The following WDR27 variants were observed in gnomAD, a reference collection of about 807,000 sequenced individuals.
WDR27 encodes WD repeat-containing protein 27.
A neutral mutation model predicts 114.4 loss-of-function variants in WDR27; 100 were observed. The observed-to-expected ratio is 0.87, with a 90% confidence interval of 0.74 to 1.03. The LOEUF (loss-of-function observed/expected upper bound fraction) is 1.03, where lower values mean the gene tolerates loss of function less well. WDR27 is among the 50% of genes least tolerant of loss of function. WDR27 has a pLI of 0.00. For missense variants in WDR27, 1,129 were observed against 1,092.9 expected (o/e 1.03, Z -0.47); for synonymous variants, 449 against 423.1 (o/e 1.06, Z -0.75).
chr6:169,521,158 A>G (rs1447360643), intron 25 of WDR27, among the ~76,000 whole-genome samples: 3 of 152,162 alleles, frequency 2.0e-5, no homozygotes, highest in African/African-American at 7.2e-5. Flanking sequence ...AGTAAATAAA[A>G]TGTAAAGGAG....
In WDR27 at chr6:169,544,679, C is replaced by T. The variant is rs149752441; in HGVS notation, c.2645+27740G>A. On this transcript the variant is annotated intron_variant, in intron 25 of 25. Transcript: ENST00000448612. ...CAAACACCTGGCCTCAAGTGAGCCA[C>T]CTGCTTTGGCCTCCCAAAGTGCTGG... 1.4e-3 allele frequency among the ~76,000 whole-genome samples: 206 copies of T among 152,300 alleles called. 4 individuals are homozygous for T. The East Asian group carries it at 0.032, about 24-fold the overall frequency.
chr6:169,616,792 T>C (rs181104721), intron 21 of WDR27, among the ~76,000 whole-genome samples: 81 of 152,202 alleles, frequency 5.3e-4, no homozygotes, highest in African/African-American at 1.9e-3. Flanking sequence ...GGAGAGTGCA[T>C]GCTCTGAACA....
At chr6:169,509,609 C>A (rs1792494616) in intron 25 of WDR27, among the ~76,000 whole-genome samples, 1 of 151,582 alleles carries the variant, frequency 6.6e-6, no homozygotes, top group Non-Finnish European at 1.5e-5. Flanking sequence ...CCCTTCCTTA[C>A]ACCTTATACA....
At chr6:169,502,010 G>A (rs1562500998) in intron 25 of WDR27, among the ~76,000 whole-genome samples, 1 of 152,206 alleles carries the variant, frequency 6.6e-6, no homozygotes, top group African/African-American at 2.4e-5. Context: ...AGTGTGACAC[G>A]GAGCCGGTGG....
At chr6:169,530,893 G>C (rs1470923033) in intron 25 of WDR27, among the ~76,000 whole-genome samples, 1 of 152,200 alleles carries the variant, frequency 6.6e-6, no homozygotes, top group Non-Finnish European at 1.5e-5. Flanking sequence ...ATGCATGCAC[G>C]TCTCATGTCT....
chr6:169,692,373 A>C (rs1449490277), intron 1 of WDR27, among the ~76,000 whole-genome samples: 2 of 152,128 alleles, frequency 1.3e-5, no homozygotes, highest in Non-Finnish European at 2.9e-5. Context: ...CCTTGAGCAG[A>C]ATCAGGAGTG....
intron 23 of WDR27, among the ~76,000 whole-genome samples, chr6:169,595,248 T>G (rs549041553): frequency 1.1e-4 from 17 of 152,388 alleles, no homozygotes; most frequent in African/African-American, 4.1e-4. Flanking sequence ...TTTTTAATTC[T>G]ATTTAATGTA....
At position 169,665,530 on chromosome 6, in the gene WDR27, C is replaced by T; in HGVS notation, c.739G>A (p.Asp247Asn). 2 of 1,613,742 alleles carry T rather than the reference C, an allele frequency of 1.2e-6. No homozygotes were observed. Among genetic ancestry groups the T allele is most frequent in the South Asian group, 1.1e-5 (1 of 91,064 alleles). Residue 247 changes from aspartate (D) to asparagine (N), a missense_variant, in exon 7 of 26, where the codon GAT (aspartate) becomes AAT (asparagine). Transcript: ENST00000448612. ...GTGACCAGCTGCCTGCTTTCTGCATCAATGAATAAACTGAGAAGAGGATAT... is the reference window on the plus strand; with the variant it reads ...GTGACCAGCTGCCTGCTTTCTGCATTAATGAATAAACTGAGAAGAGGATAT... ...SAYPLLSLFI[D>N]AESRQLVTGC...
At chr6:169,658,393 G>T in intron 12 of WDR27, 35 bp from the exon 13 acceptor site, 1 of 1,499,780 alleles carries the variant, frequency 6.7e-7, no homozygotes, top group Non-Finnish European at 9.1e-7. Flanking sequence ...AACTAGGAGC[G>T]CAAACGACGA....
At chr6:169,458,019 G>A (rs1784480629) in intron 25 of WDR27, among the ~76,000 whole-genome samples, 1 of 150,620 alleles carries the variant, frequency 6.6e-6, no homozygotes, top group African/African-American at 2.4e-5. Context: ...TGGTGGTGGT[G>A]CCAGGAATCC....
chr6:169,623,636 G>T (rs978154398), intron 21 of WDR27, among the ~76,000 whole-genome samples: 8 of 152,186 alleles, frequency 5.3e-5, no homozygotes, highest in Admixed American at 3.9e-4. Flanking sequence ...TGGTGGGGGA[G>T]CATCAACAAC....
In WDR27 at chr6:169,583,490, TATATATATATATATGTATATATACACAC is replaced by T. The variant is rs1368337630; in HGVS notation, c.2425-584_2425-557del. The stretch of plus-strand genomic sequence containing the variant: ...GTGTGTGTGTGTGTGTATATATACA[TATATATATATATATGTATATATACACAC>T]ACACACACACACACACACACACATA... On this transcript the variant is annotated intron_variant, in intron 23 of 25. Coordinates refer to ENST00000448612, the MANE Select transcript of WDR27 (RefSeq NM_182552.5). 0.028 allele frequency among the ~76,000 whole-genome samples: 242 copies of T among 8,728 alleles called. 4 individuals carry two copies. In the Middle Eastern group the frequency reaches 0.31, roughly 11 times the overall value. The allele number at this position is 8,728 out of a possible 152,430, so 5.7% of individuals were successfully genotyped here. A position where few individuals can be genotyped will look rare whatever the true frequency, so the allele number is the denominator to read the frequency against.
chr6:169,569,857 G>T (rs1410022507), intron 25 of WDR27, among the ~76,000 whole-genome samples: 3 of 152,134 alleles, frequency 2.0e-5, no homozygotes, highest in African/African-American at 7.2e-5. Flanking sequence ...GTGACTTGGG[G>T]TTACCATTCT....
At chr6:169,635,583 C>T (rs1473827686) in intron 19 of WDR27, among the ~76,000 whole-genome samples, 3 of 152,124 alleles carry the variant, frequency 2.0e-5, no homozygotes, top group African/African-American at 7.2e-5. Flanking sequence ...GGGGTGAGAT[C>T]GGGGATTCCT....
Position 169,658,343 on chromosome 6 carries a change from C to A in WDR27, c.1335G>T (p.Pro445=). The A allele has an allele frequency of 6.3e-7, 1 of 1,596,190 alleles. No homozygotes were observed. The highest frequency in any genetic ancestry group is 1.1e-5 in the South Asian group (1 of 87,548). ...CAATTCCCAGATACAGTGGAGAGGT[C>A]GGTAGGACACAGGAGCTGAAACAGA... ...LSVPASSCVL[P]TSPLYLGIAK... is the part of the protein sequence containing the mutation. The change falls in exon 13 of 26, where the codon CCG becomes CCT. Residue 445 remains proline (P), a synonymous_variant. Transcript: ENST00000448612.
At chr6:169,508,916 A>G (rs1472290143) in intron 25 of WDR27, among the ~76,000 whole-genome samples, 1 of 152,218 alleles carries the variant, frequency 6.6e-6, no homozygotes, top group African/African-American at 2.4e-5. Context: ...ACATGTCCTG[A>G]GCTGCCCTCC....
chr6:169,695,262 G>A (rs997579468), intron 1 of WDR27, among the ~76,000 whole-genome samples: 2 of 152,182 alleles, frequency 1.3e-5, no homozygotes, highest in South Asian at 2.1e-4. Flanking sequence ...AAGCCAGTAC[G>A]GGTTGGTTGC....
intron 23 of WDR27, among the ~76,000 whole-genome samples, chr6:169,600,458 G>C (rs1453996105): frequency 6.6e-6 from 1 of 152,200 alleles, no homozygotes; most frequent in Non-Finnish European, 1.5e-5. Context: ...AACAAAGCTG[G>C]ACGGAGAATG....
the WDR27 span, among the ~76,000 whole-genome samples, chr6:169,435,248 G>A: frequency 6.6e-6 from 1 of 152,206 alleles, no homozygotes; most frequent in Non-Finnish European, 1.5e-5. Context: ...TTGCTGCAGG[G>A]GTGGGAGCCC....
Sources: gnomAD v4.1 joint callset for allele counts (sites outside exome capture counted in the v4.1 genomes callset) on GRCh38, gnomAD v4.1.1 for gene constraint, MANE v1.5 for transcripts, NCBI Gene and HGNC (gene_info 2026-07-23, HGNC 2026-07-21) for gene names.